The following GSDMD variants were observed in gnomAD, a reference collection of about 807,000 sequenced individuals.
GSDMD encodes gasdermin D, also known as gasdermin-D.
A neutral mutation model predicts 46.7 loss-of-function variants in GSDMD; 46 were observed. The ratio of observed to expected loss-of-function variants is 0.99; its 90% CI spans 0.78 to 1.26. The LOEUF (loss-of-function observed/expected upper bound fraction) is 1.26. GSDMD is among the 50% of genes most tolerant of loss of function. The pLI is 0.00. For synonymous variants in GSDMD, 307 were observed against 283.1 expected (o/e 1.08, Z -0.85); for missense variants, 649 against 638.8 (o/e 1.02, Z -0.17).
At chr8:143,560,327 G>GC (rs1269133677) in intron 3 of GSDMD, 3 of 685,100 alleles carry the variant, frequency 4.4e-6, no homozygotes, top group Non-Finnish European at 8.0e-6. Context: ...ACCGGACTGA[G>GC]CCCCAGGCTG....
chr8:143,559,723 G>T, intron 2 of GSDMD, 54 bp from the exon 3 acceptor site: 2 of 1,534,578 alleles, frequency 1.3e-6, no homozygotes, highest in Non-Finnish European at 8.8e-7. Context: ...GGGCTGGTGG[G>T]GGCGGGGGAG....
In GSDMD at chr8:143,562,508, G is replaced by T; in HGVS notation, c.1199G>T (p.Gly400Val). 2 of 1,607,492 alleles carry T rather than the reference G, an allele frequency of 1.2e-6. No individual in the cohort carries two copies. The highest frequency in any genetic ancestry group is 1.7e-6 in the Non-Finnish European group (2 of 1,179,532). ...AEALESQTLL[G>V]PLELVGSLLE... ...GCGCTGGAGTCGCAGACCCTGTTGG[G>T]GCCGCTCGAGCTGGTGAGAGGGTTG... Residue 400 changes from glycine to valine, a missense_variant, in exon 10 of 11, where the codon GGG becomes GTG. Physicochemically the swap from Gly to Val is moderately radical, Grantham distance 109. Transcript: ENST00000262580.
At chr8:143,562,626 T>C (rs750631243) in intron 10 of GSDMD, 36 bp from the exon 11 acceptor site, 1 of 1,600,100 alleles carries the variant, frequency 6.2e-7, no homozygotes, top group Non-Finnish European at 8.5e-7. Context: ...ATGCCCAGAT[T>C]TCCCCATCTG....
Position 143,561,405 on chromosome 8 carries a change from T to C in GSDMD, c.718T>C (p.Phe240Leu), listed in dbSNP as rs140608348. The change falls in exon 6 of 11, where the codon TTC becomes CTC. Residue 240 changes from phenylalanine to leucine, a missense_variant. Physicochemically the swap from Phe to Leu is conservative, Grantham distance 22. Transcript: ENST00000262580. ...CTTCCCGGATAAGAAGCAGAGGACC[T>C]TCCAGCCACCCGCGACAGGTGAGAG... is the stretch of plus-strand genomic sequence containing the variant. ...LLFPDKKQRTFQPPATGHKRS... is the reference protein window; with the variant it reads ...LLFPDKKQRTLQPPATGHKRS... The C allele has an allele frequency of 6.2e-7, 1 of 1,611,346 alleles. No homozygotes were observed. The highest frequency in any genetic ancestry group is 8.5e-7 in the Non-Finnish European group (1 of 1,179,408).
At chr8:143,560,067 T>C in intron 3 of GSDMD, 98 bp downstream of exon 3, 4 of 1,178,584 alleles carry the variant, frequency 3.4e-6, no homozygotes, top group South Asian at 1.3e-5. Flanking sequence ...TGAGGTGAGG[T>C]TTTGCTATCT....
chr8:143,559,001 G>T, intron 1 of GSDMD: 1 of 566,684 alleles, frequency 1.8e-6, no homozygotes, highest in East Asian at 3.3e-5. Flanking sequence ...ACCACGCTCA[G>T]GAGGTGACAG....
At chr8:143,558,284 G>A (rs1322118165), upstream of GSDMD, 26 of 1,474,760 alleles carry the variant, frequency 1.8e-5, no homozygotes, top group East Asian at 2.7e-5. Context: ...CAGGAAGGGG[G>A]CCGGGGCGGG....
Position 143,560,711 on chromosome 8 carries a change from G to C in GSDMD, c.519G>C (p.Thr173=). ...AGACACAGAAGGAGGTGGAAGTCAC[G>C]CGCACCCACAAGCGGGAGGGCTCGG... ...VLQTQKEVEV[T]RTHKREGSGR... The change falls in exon 4 of 11, where the codon ACG becomes ACC. Residue 173 remains threonine, a synonymous_variant. Transcript: ENST00000262580. 6.3e-7 allele frequency: 1 copy of C among 1,578,116 alleles called. No homozygotes were observed. Among genetic ancestry groups the C allele is most frequent in the Non-Finnish European group, 8.6e-7 (1 of 1,162,068 alleles).
intron 1 of GSDMD, 114 bp downstream of exon 1, chr8:143,558,565 C>G: frequency 9.4e-7 from 1 of 1,062,514 alleles, no homozygotes; most frequent in Non-Finnish European, 1.3e-6. Context: ...GCCCAGAAGG[C>G]CCCGCGCCGC....
chr8:143,559,453 G>C lies in GSDMD; in HGVS notation c.118G>C (p.Val40Leu), dbSNP rs369363029. Residue 40 changes from valine to leucine, a missense_variant, in exon 2 of 11, where the codon GTG becomes CTG. Coordinates refer to ENST00000262580, the MANE Select transcript of GSDMD (RefSeq NM_024736.7). ...CACTGGCTTCCAGCCCTACTGCCTG[G>C]TGGTTAGGAAGCCCTCAAGCTCATG... ...SSTGFQPYCLVVRKPSSSWFW... is the reference protein window; with the variant it reads ...SSTGFQPYCLLVRKPSSSWFW... 1.2e-6 allele frequency: 2 copies of C among 1,612,946 alleles called. No individual in the cohort carries two copies. Among genetic ancestry groups the C allele is most frequent in the South Asian group, 2.2e-5 (2 of 91,088 alleles).
intron 5 of GSDMD, 48 bp downstream of exon 5, chr8:143,561,152 CAG>C: frequency 6.5e-7 from 1 of 1,539,106 alleles, no homozygotes; most frequent in Non-Finnish European, 8.9e-7. Flanking sequence ...GGCAGAGAAA[CAG>C]GGAGGCCTGG....
intron 4 of GSDMD, 57 bp from the exon 5 acceptor site, chr8:143,560,945 C>A: frequency 6.4e-7 from 1 of 1,564,108 alleles, no homozygotes. Context: ...CCGGCCCGCA[C>A]CCGCACCCCA....
chr8:143,558,951 C>G lies in GSDMD; in HGVS notation c.-4-381C>G, dbSNP rs746827436. Reference sequence around the variant, plus strand: ...CTCTGGCTGGGTTTTGCAGTGGGTCCCTGGTGACACTCTGGCTGGGTTTTG... The same window carrying G: ...CTCTGGCTGGGTTTTGCAGTGGGTCGCTGGTGACACTCTGGCTGGGTTTTG... On this transcript the variant is annotated intron_variant, in intron 1 of 10. Transcript: ENST00000262580. 67 of 555,908 alleles carry G rather than the reference C, an allele frequency of 1.2e-4. 1 individual carries two copies. Among genetic ancestry groups the G allele is most frequent in the South Asian group, 1.0e-3 (67 of 64,856 alleles). The allele number at this position is 555,908 out of a possible 1,614,324, so 34.4% of individuals were successfully genotyped here. A position where few individuals can be genotyped will look rare whatever the true frequency, so the allele number is the denominator to read the frequency against.
In GSDMD at chr8:143,562,515, C is replaced by A. The variant is rs139194475; in HGVS notation, c.1206C>A (p.Leu402=). The change falls in exon 10 of 11, where the codon CTC becomes CTA. Residue 402 remains leucine (L), a synonymous_variant. Coordinates refer to ENST00000262580, the MANE Select transcript of GSDMD (RefSeq NM_024736.7). The stretch of plus-strand genomic sequence containing the variant: ...AGTCGCAGACCCTGTTGGGGCCGCT[C>A]GAGCTGGTGAGAGGGTTGGGTTCGG... The part of the protein sequence containing the change: ...ALESQTLLGP[L]ELVGSLLEQS... The A allele has an allele frequency of 1.7e-4, 277 of 1,606,610 alleles. No individual in the cohort carries two copies. Among genetic ancestry groups the A allele is most frequent in the Non-Finnish European group, 2.3e-4 (266 of 1,179,388 alleles).
At chr8:143,558,320 G>A (rs938474354), upstream of GSDMD, 6 of 1,521,250 alleles carry the variant, frequency 3.9e-6, no homozygotes, top group Middle Eastern at 1.7e-4. Context: ...CCGGGAGGGC[G>A]TCCTGGGCGG....
At chr8:143,557,987 C>T, upstream of GSDMD, 1 of 404,622 alleles carries the variant, frequency 2.5e-6, no homozygotes, top group South Asian at 1.8e-5. Flanking sequence ...CTACACCTCC[C>T]AGGTTCAAGC....
At chr8:143,562,594 G>A (rs1823493580) in intron 10 of GSDMD, 68 bp from the exon 11 acceptor site, 1 of 1,596,358 alleles carries the variant, frequency 6.3e-7, no homozygotes, top group Non-Finnish European at 8.5e-7. Flanking sequence ...ACCTGGGAAG[G>A]GGTGGTATGG....
At chr8:143,562,179 C>T (rs1314465798) in intron 8 of GSDMD, 30 bp from the exon 9 acceptor site, 3 of 1,593,822 alleles carry the variant, frequency 1.9e-6, no homozygotes, top group Admixed American at 3.4e-5. Context: ...CCCAGCCAGC[C>T]AGACTCACCT....
At chr8:143,561,500 A>G (rs2130571553) in intron 6 of GSDMD, 77 bp downstream of exon 6, 2 of 1,434,130 alleles carry the variant, frequency 1.4e-6, no homozygotes, top group Non-Finnish European at 1.9e-6. Flanking sequence ...CCTTCTCCTC[A>G]TGTTCTCAGG....
Sources: allele counts gnomAD v4.1 joint callset, GRCh38; gene constraint gnomAD v4.1.1; transcripts MANE v1.5; gene names NCBI Gene and HGNC (gene_info 2026-07-23, HGNC 2026-07-21).